Variants in SPAG9 observed in about 807,000 individuals in gnomAD.
SPAG9 encodes the protein sperm associated antigen 9.
A neutral mutation model predicts 166.5 loss-of-function variants in SPAG9; 35 were observed. That is an observed-to-expected ratio of 0.21 (90% CI 0.16 to 0.28). The LOEUF (loss-of-function observed/expected upper bound fraction) is 0.28, where lower values mean the gene tolerates loss of function less well. Ranked by LOEUF, SPAG9 falls within the 10% of genes least tolerant of loss-of-function variation. The pLI is 1.00. For missense variants in SPAG9, 1,235 were observed against 1,603.3 expected, an observed-to-expected ratio of 0.77 and a Z score of 3.92; for synonymous variants, 534 against 565.5, an observed-to-expected ratio of 0.94 and a Z score of 0.79.
Position 51,120,317 on chromosome 17 carries a change from A to C in SPAG9, c.303+37T>G. 2.0e-6 allele frequency: 3 copies of C among 1,471,874 alleles called. No homozygotes were observed. Among genetic ancestry groups the C allele is most frequent in the Non-Finnish European group, 2.7e-6 (3 of 1,105,234 alleles). The allele number at this position is 1,471,874 out of a possible 1,614,324, so 91.2% of individuals were successfully genotyped here. A position where few individuals can be genotyped will look rare whatever the true frequency, so the allele number is the denominator to read the frequency against. On this transcript the variant is annotated intron_variant, in intron 1 of 29. Coordinates refer to ENST00000262013, the MANE Select transcript of SPAG9 (RefSeq NM_001130528.3). This position sits in a 1 kb window ranked among gnomAD's most constrained non-coding sequence, Gnocchi z 4.7. ...GACCCCGCCCCGGCCGCCCCCGGAG[A>C]CGGATCCCGCGGCCCCCGCCCTGCC...
At chr17:51,089,653 T>C (rs1161185689) in intron 1 of SPAG9, among the ~76,000 whole-genome samples, 1 of 102,850 alleles carries the variant, frequency 9.7e-6, no homozygotes, top group Admixed American at 1.0e-4. Flanking sequence ...TATATATATA[T>C]ATATATATAT....
chr17:50,987,046 T>C, intron 22 of SPAG9, 66 bp downstream of exon 22: 7 of 1,471,270 alleles, frequency 4.8e-6, no homozygotes, highest in Non-Finnish European at 5.5e-6. Context: ...CATATTTTAC[T>C]TATCTTCTGA....
intron 27 of SPAG9, 42 bp from the exon 28 acceptor site, chr17:50,974,989 A>G (rs1226448487): frequency 6.4e-7 from 1 of 1,574,768 alleles, no homozygotes; most frequent in East Asian, 2.3e-5. Context: ...TCCCCTAGAA[A>G]ACAGTAATGA....
At chr17:51,004,534 T>C in intron 12 of SPAG9, among the ~76,000 whole-genome samples, 1 of 152,282 alleles carries the variant, frequency 6.6e-6, no homozygotes, top group South Asian at 2.1e-4. Flanking sequence ...AGCCAAGAAT[T>C]AGAGACCAGC....
chr17:51,091,784 G>C (rs557433407), intron 1 of SPAG9, among the ~76,000 whole-genome samples: 42 of 150,792 alleles, frequency 2.8e-4, no homozygotes, highest in South Asian at 1.0e-3. Flanking sequence ...AGTGACTTCA[G>C]ACAACTCTCC....
At chr17:50,970,164 C>T (rs78807561) in intron 29 of SPAG9, among the ~76,000 whole-genome samples, 1,631 of 152,296 alleles carry the variant, frequency 0.011, 52 homozygotes, top group Admixed American at 0.073. Flanking sequence ...TAAAACTTCA[C>T]ATTGACCACA....
intron 1 of SPAG9, among the ~76,000 whole-genome samples, chr17:51,098,723 C>G (rs192463565): frequency 5.3e-5 from 8 of 152,032 alleles, no homozygotes; most frequent in African/African-American, 1.9e-4. Flanking sequence ...AACTTCTGAC[C>G]TCAGGTGATC....
At chr17:51,089,577 A>G (rs2048393807) in intron 1 of SPAG9, among the ~76,000 whole-genome samples, 1 of 142,614 alleles carries the variant, frequency 7.0e-6, no homozygotes, top group Non-Finnish European at 1.5e-5. Context: ...TATAATATAT[A>G]TGTGTATATC....
At chr17:51,104,932 CAA>C (rs397856546) in intron 1 of SPAG9, among the ~76,000 whole-genome samples, 2 of 57,442 alleles carry the variant, frequency 3.5e-5, no homozygotes, top group African/African-American at 1.3e-4. Context: ...GACTCCGTCT[CAA>C]AAAAAAAAAA....
chr17:50,981,716 CAA>C (rs60390444), intron 25 of SPAG9, among the ~76,000 whole-genome samples: 74 of 127,488 alleles, frequency 5.8e-4, no homozygotes, highest in Admixed American at 2.3e-3. Context: ...TGTATTGTGA[CAA>C]AAAAAAAAAA....
At chr17:51,096,799 G>C (rs187006645) in intron 1 of SPAG9, among the ~76,000 whole-genome samples, 8 of 152,344 alleles carry the variant, frequency 5.3e-5, no homozygotes, top group Admixed American at 5.2e-4. Flanking sequence ...GAATGTAACA[G>C]TGTGATATCG....
At chr17:50,989,276 A>G (rs1327551729) in intron 21 of SPAG9, among the ~76,000 whole-genome samples, 5 of 152,228 alleles carry the variant, frequency 3.3e-5, no homozygotes, top group Non-Finnish European at 7.3e-5. Flanking sequence ...CATGCTGTAC[A>G]GGTTTCTAGC....
intron 1 of SPAG9, among the ~76,000 whole-genome samples, chr17:51,095,646 A>G (rs2048591215): frequency 6.7e-6 from 1 of 149,530 alleles, no homozygotes; most frequent in Non-Finnish European, 1.5e-5. Flanking sequence ...GTGAGAATCC[A>G]TCTCCAAAAA....
intron 28 of SPAG9, among the ~76,000 whole-genome samples, chr17:50,971,902 C>T (rs1340586427): frequency 3.9e-5 from 6 of 151,974 alleles, no homozygotes; most frequent in Non-Finnish European, 7.4e-5. Flanking sequence ...CAAGTAGTTG[C>T]GATTACAGGT....
chr17:51,077,053 G>GCTAGCTAGCTATCTAGCTAGCTAT (rs2048020759), intron 2 of SPAG9, among the ~76,000 whole-genome samples: 9 of 113,242 alleles, frequency 7.9e-5, no homozygotes, highest in South Asian at 2.6e-4. Flanking sequence ...TAGCTATCTA[G>GCTAGCTAGCTATCTAGCTAGCTAT]CTAGCTATCT....
intron 5 of SPAG9, among the ~76,000 whole-genome samples, chr17:51,032,631 T>C (rs1401270454): frequency 6.6e-6 from 1 of 152,142 alleles, no homozygotes; most frequent in Non-Finnish European, 1.5e-5. Flanking sequence ...CTCTCAGTTA[T>C]GCCCTTAAAA....
intron 2 of SPAG9, among the ~76,000 whole-genome samples, chr17:51,069,592 T>C (rs202096394): frequency 2.4e-4 from 37 of 152,254 alleles, no homozygotes; most frequent in East Asian, 7.7e-4. Flanking sequence ...TTTAAATAAA[T>C]TTAATTAATT....
At chr17:50,983,407 T>C (rs1043129825) in intron 24 of SPAG9, among the ~76,000 whole-genome samples, 2 of 152,236 alleles carry the variant, frequency 1.3e-5, no homozygotes, top group South Asian at 4.1e-4. Flanking sequence ...TACCACAGTT[T>C]ACAGACCCTT....
At chr17:50,993,635 T>C (rs1212500519) in intron 19 of SPAG9, 129 bp downstream of exon 19, 1 of 790,458 alleles carries the variant, frequency 1.3e-6, no homozygotes, top group Non-Finnish European at 1.9e-6. Flanking sequence ...GTTTGTTTTT[T>C]AATCTTCCCT....
Sources: gnomAD v4.1 joint callset for allele counts (sites outside exome capture counted in the v4.1 genomes callset) on GRCh38, gnomAD v4.1.1 for gene constraint, Gnocchi (gnomAD v3.1) non-coding constraint, MANE v1.5 for transcripts, NCBI Gene and HGNC (gene_info 2026-07-23, HGNC 2026-07-21) for gene names.